Variants in LRRC37A observed in about 807,000 individuals in gnomAD.
The protein encoded by LRRC37A is leucine rich repeat containing 37A, also known as leucine-rich repeat-containing protein 37A.
Under a neutral mutation model 35.4 loss-of-function variants are expected in LRRC37A, and 3 were observed. The ratio of observed to expected loss-of-function variants is 0.08; its 90% confidence interval spans 0.04 to 0.22. The LOEUF (loss-of-function observed/expected upper bound fraction) is 0.22. Among genes scored for constraint, LRRC37A ranks in the 10% least tolerant of loss-of-function variants. The probability of loss-of-function intolerance (pLI) is 1.00; values close to 1 mark genes in which losing one functional copy is unlikely to be tolerated. For missense variants in LRRC37A, 67 were observed against 565.3 expected (o/e 0.12, Z 8.94); for synonymous variants, 23 against 215.0 (o/e 0.11, Z 7.81).
chr17:46,305,524 T>G, exon 4 of LRRC37A: 1 of 401,240 alleles, frequency 2.5e-6, no homozygotes, highest in African/African-American at 2.4e-5. Flanking sequence ...TATCCTGCAA[T>G]AAAATACAGT....
chr17:46,302,746 T>C lies in LRRC37A; in HGVS notation c.2753+37T>C, dbSNP rs2050394194. ...AATTATATTTATGAGTTTTTAGTCA[T>C]ATTATCTGTAAAATGAATAAGGGGT... On this transcript the variant is annotated intron_variant, in intron 3 of 13. Coordinates refer to ENST00000320254, the Ensembl canonical transcript of LRRC37A. 2 of 169,902 alleles carry C rather than the reference T, an allele frequency of 1.2e-5. 1 individual carries two copies. 10.5% of individuals were successfully genotyped at this position (169,902 alleles called of 1,614,324 possible).
At chr17:46,250,752 C>T in the LRRC37A span, among the ~76,000 whole-genome samples, 13 of 152,186 alleles carry the variant, frequency 8.5e-5, no homozygotes, top group Non-Finnish European at 1.3e-4. Flanking sequence ...CTGACTAATA[C>T]GCTCAGTGAC....
At chr17:46,267,649 T>C in the LRRC37A span, 1 of 1,354,300 alleles carries the variant, frequency 7.4e-7, no homozygotes, top group East Asian at 2.4e-5. Context: ...TGTAACATGA[T>C]TAGGATTTAG....
At chr17:46,257,289 A>T in the LRRC37A span, among the ~76,000 whole-genome samples, 1 of 151,886 alleles carries the variant, frequency 6.6e-6, no homozygotes, top group Non-Finnish European at 1.5e-5. Context: ...TCTACTAAAA[A>T]TACAAAAAAT....
chr17:46,267,279 A>T, the LRRC37A span: 1 of 1,116,570 alleles, frequency 9.0e-7, no homozygotes, highest in Non-Finnish European at 1.2e-6. Flanking sequence ...ACGCCCAGGG[A>T]CTGGGAGAGG....
At chr17:46,271,977 G>T in the LRRC37A span, among the ~76,000 whole-genome samples, 1 of 152,180 alleles carries the variant, frequency 6.6e-6, no homozygotes, top group African/African-American at 2.4e-5. Flanking sequence ...GGTCAGGCAG[G>T]TCTCTAACTC....
At chr17:46,262,926 A>G in the LRRC37A span, among the ~76,000 whole-genome samples, 1 of 152,258 alleles carries the variant, frequency 6.6e-6, no homozygotes, top group Non-Finnish European at 1.5e-5. Context: ...TAGAGTAACA[A>G]GGAAATCCGG....
At chr17:46,257,262 C>T in the LRRC37A span, among the ~76,000 whole-genome samples, 1 of 151,786 alleles carries the variant, frequency 6.6e-6, no homozygotes, top group Non-Finnish European at 1.5e-5. Context: ...GACTGGCCAA[C>T]ATGGCAAAAC....
At chr17:46,248,766 C>T in the LRRC37A span, among the ~76,000 whole-genome samples, 3,133 of 151,860 alleles carry the variant, frequency 0.021, 124 homozygotes, top group African/African-American at 0.064. Flanking sequence ...GTGATCCGCC[C>T]GCCTTGGCTT....
chr17:46,317,041 T>C lies in LRRC37A; in HGVS notation c.2907-5281T>C, dbSNP rs1208514049. 6.6e-5 allele frequency among the ~76,000 whole-genome samples: 6 copies of C among 91,488 alleles called. 1 individual carries two copies. Among genetic ancestry groups the C allele is most frequent in the African/African-American group, 1.9e-4 (6 of 31,770 alleles). 60.0% of individuals were successfully genotyped at this position (91,488 alleles called of 152,430 possible). On this transcript the variant is annotated intron_variant, in intron 5 of 13. Coordinates refer to ENST00000320254, the Ensembl canonical transcript of LRRC37A. ...TACACAGACACAGCAACAATCTGATTTCTGTATCTTTTCCCCACATTTCCC... is the reference window on the plus strand; with the variant it reads ...TACACAGACACAGCAACAATCTGATCTCTGTATCTTTTCCCCACATTTCCC...
the LRRC37A span, among the ~76,000 whole-genome samples, chr17:46,250,122 G>A: frequency 6.6e-6 from 1 of 152,180 alleles, no homozygotes; most frequent in African/African-American, 2.4e-5. Context: ...AGTAGAGACT[G>A]GTTTTGCCAT....
the LRRC37A span, among the ~76,000 whole-genome samples, chr17:46,287,398 TG>T: frequency 6.6e-6 from 1 of 152,242 alleles, no homozygotes; most frequent in Non-Finnish European, 1.5e-5. Flanking sequence ...GGTTTAAAAA[TG>T]TATCTCACAA....
the LRRC37A span, among the ~76,000 whole-genome samples, chr17:46,258,707 CTTTTTTTTTTT>C: frequency 2.5e-5 from 2 of 81,124 alleles, no homozygotes; most frequent in Admixed American, 1.5e-4. Flanking sequence ...GACTATTATT[CTTTTTTTTTTT>C]TTTTTTTTTT....
chr17:46,273,418 A>C, the LRRC37A span, among the ~76,000 whole-genome samples: 1 of 152,268 alleles, frequency 6.6e-6, no homozygotes, highest in Non-Finnish European at 1.5e-5. Context: ...AATGGGCTTC[A>C]TTAGATAAAA....
upstream of LRRC37A, among the ~76,000 whole-genome samples, chr17:46,290,375 C>G (rs1228217809): frequency 8.2e-6 from 1 of 121,940 alleles, no homozygotes; most frequent in Non-Finnish European, 2.1e-5. Context: ...ATCCACCCAC[C>G]TCAGCCTTTT....
chr17:46,251,786 T>C, the LRRC37A span, among the ~76,000 whole-genome samples: 1 of 148,498 alleles, frequency 6.7e-6, no homozygotes, highest in African/African-American at 2.4e-5. Context: ...AATAAGGGAG[T>C]AAGTCAGAGG....
chr17:46,290,101 A>G (rs1376518557), upstream of LRRC37A, among the ~76,000 whole-genome samples: 1 of 152,274 alleles, frequency 6.6e-6, no homozygotes, highest in Admixed American at 6.5e-5. Flanking sequence ...TGTAGATGAC[A>G]AAGTGAGACC....
At chr17:46,264,757 G>C in the LRRC37A span, among the ~76,000 whole-genome samples, 42,209 of 151,716 alleles carry the variant, frequency 0.28, 5,916 homozygotes, top group Middle Eastern at 0.48. Context: ...ACCCCAGGAG[G>C]CTCTGGGAGC....
At chr17:46,267,219 A>C in the LRRC37A span, 1 of 680,976 alleles carries the variant, frequency 1.5e-6, no homozygotes, top group Non-Finnish European at 2.4e-6. Flanking sequence ...TGCACGCGAG[A>C]TCCCAGGGCG....
Sources: gnomAD v4.1 joint callset for allele counts (sites outside exome capture counted in the v4.1 genomes callset) on GRCh38, gnomAD v4.1.1 for gene constraint, MANE v1.5 for transcripts, NCBI Gene and HGNC (gene_info 2026-07-23, HGNC 2026-07-21) for gene names.